The following CACNA2D3 variants were observed in gnomAD, a reference collection of about 807,000 sequenced individuals.
CACNA2D3 encodes voltage-dependent calcium channel subunit alpha-2/delta-3.
Under a neutral mutation model 160.6 loss-of-function variants are expected in CACNA2D3, and 60 were observed. That is an observed-to-expected ratio of 0.37 (90% CI 0.30 to 0.46). The LOEUF (loss-of-function observed/expected upper bound fraction) is 0.46, where lower values mean the gene tolerates loss of function less well. CACNA2D3 is among the 20% of genes least tolerant of loss of function. CACNA2D3 has a pLI of 1.00. For synonymous variants in CACNA2D3, 558 were observed against 492.9 expected, an observed-to-expected ratio of 1.13 and a Z score of -1.75; for missense variants, 1,205 against 1,365.0, an observed-to-expected ratio of 0.88 and a Z score of 1.85.
At chr3:54,631,203 A>AACACAC (rs67944483) in intron 10 of CACNA2D3, among the ~76,000 whole-genome samples, 3,418 of 145,810 alleles carry the variant, frequency 0.023, 69 homozygotes, top group Middle Eastern at 0.049. Context: ...GACTCCATCA[A>AACACAC]ACACACACAC....
At chr3:54,666,115 G>A (rs1700064849) in intron 11 of CACNA2D3, among the ~76,000 whole-genome samples, 1 of 152,156 alleles carries the variant, frequency 6.6e-6, no homozygotes, top group Non-Finnish European at 1.5e-5. Context: ...GTATTTGATT[G>A]CTAGAGAACA....
At chr3:55,054,532 C>T (rs950318162) in intron 35 of CACNA2D3, among the ~76,000 whole-genome samples, 1 of 150,758 alleles carries the variant, frequency 6.6e-6, no homozygotes, top group African/African-American at 2.4e-5. Flanking sequence ...TGCTGGAATT[C>T]CCCGTTTCAT....
intron 11 of CACNA2D3, among the ~76,000 whole-genome samples, chr3:54,660,078 A>C (rs1480320420): frequency 6.6e-6 from 1 of 152,054 alleles, no homozygotes; most frequent in Admixed American, 6.5e-5. Flanking sequence ...TGAGCCTTGC[A>C]TCTCCTAGTA....
At chr3:54,627,146 G>A (rs1175982578) in intron 9 of CACNA2D3, among the ~76,000 whole-genome samples, 1 of 152,220 alleles carries the variant, frequency 6.6e-6, no homozygotes, top group African/African-American at 2.4e-5. Flanking sequence ...TATTACGCAT[G>A]TGGTAGACAT....
chr3:54,785,346 TAGG>T (rs1394922055), intron 13 of CACNA2D3, among the ~76,000 whole-genome samples: 1 of 152,160 alleles, frequency 6.6e-6, no homozygotes, highest in African/African-American at 2.4e-5. Context: ...TGGCCTTCAT[TAGG>T]AGATCTCAAA....
intron 4 of CACNA2D3, among the ~76,000 whole-genome samples, chr3:54,415,197 C>T (rs1699735531): frequency 6.6e-6 from 1 of 152,108 alleles, no homozygotes; most frequent in African/African-American, 2.4e-5. Flanking sequence ...TGGCAGACCC[C>T]AGAAATTACC....
At chr3:55,070,335 G>C (rs1310943904) in intron 35 of CACNA2D3, among the ~76,000 whole-genome samples, 1 of 152,166 alleles carries the variant, frequency 6.6e-6, no homozygotes, top group Admixed American at 6.5e-5. Context: ...GTTGGAGGGA[G>C]AGAGAGAAGG....
chr3:54,222,419 CAGA>C (rs559428486), intron 2 of CACNA2D3, among the ~76,000 whole-genome samples: 1 of 152,262 alleles, frequency 6.6e-6, no homozygotes, highest in South Asian at 2.1e-4. Flanking sequence ...GGCAGTGAGG[CAGA>C]AGGAGTTTTC....
At chr3:54,780,625 C>T (rs1027617183) in intron 13 of CACNA2D3, among the ~76,000 whole-genome samples, 3 of 152,180 alleles carry the variant, frequency 2.0e-5, no homozygotes, top group Non-Finnish European at 4.4e-5. Flanking sequence ...AGTTCTTCAT[C>T]AGATTGTAAA....
chr3:54,134,738 C>T (rs899482394), intron 2 of CACNA2D3, among the ~76,000 whole-genome samples: 1 of 152,244 alleles, frequency 6.6e-6, no homozygotes, highest in Admixed American at 6.5e-5. Flanking sequence ...AGCCGGTCCT[C>T]AGTTCTCCTA....
At chr3:54,836,023 C>G (rs1698671241) in intron 14 of CACNA2D3, among the ~76,000 whole-genome samples, 1 of 152,100 alleles carries the variant, frequency 6.6e-6, no homozygotes, top group African/African-American at 2.4e-5. Flanking sequence ...GATTTAGAAC[C>G]AGATTTGTCT....
chr3:54,850,253 C>T (rs1699027227), intron 17 of CACNA2D3, among the ~76,000 whole-genome samples: 1 of 152,164 alleles, frequency 6.6e-6, no homozygotes, highest in South Asian at 2.1e-4. Flanking sequence ...ATGAAGTAAT[C>T]TTCAAAGGGG....
chr3:54,299,871 C>G (rs76585973), intron 2 of CACNA2D3, among the ~76,000 whole-genome samples: 1 of 152,122 alleles, frequency 6.6e-6, no homozygotes, highest in Admixed American at 6.5e-5. Context: ...AACCTGTAAG[C>G]GTTTTGTTGC....
intron 3 of CACNA2D3, among the ~76,000 whole-genome samples, chr3:54,341,620 T>C (rs922610302): frequency 2.0e-5 from 3 of 152,200 alleles, no homozygotes; most frequent in African/African-American, 4.8e-5. Context: ...CGTCCCCTTC[T>C]TTCAGAGCTC....
intron 3 of CACNA2D3, among the ~76,000 whole-genome samples, chr3:54,370,134 C>A (rs896985623): frequency 1.3e-5 from 2 of 152,118 alleles, no homozygotes; most frequent in African/African-American, 4.8e-5. Context: ...AATGTTGTTG[C>A]AAATCTATGA....
At position 55,040,092 on chromosome 3, in the gene CACNA2D3, T is replaced by C. The variant is rs145723746; in HGVS notation, c.2987+21775T>C. ...AGGTTCTGGTAACGGCTCTCTTCTT[T>C]AGTTAGTGAATGGCCTTCTTGCTGT... On this transcript the variant is annotated intron_variant, in intron 35 of 37. Transcript: ENST00000474759. 4.9e-3 allele frequency among the ~76,000 whole-genome samples: 751 copies of C among 152,278 alleles called. 10 individuals carry two copies. The highest frequency in any genetic ancestry group is 0.017 in the African/African-American group (709 of 41,546).
chr3:54,809,066 C>T (rs990250920), intron 13 of CACNA2D3, among the ~76,000 whole-genome samples: 4 of 152,082 alleles, frequency 2.6e-5, no homozygotes, highest in Admixed American at 2.0e-4. Flanking sequence ...GATGAGACCT[C>T]TAGAGTTCAG....
intron 35 of CACNA2D3, among the ~76,000 whole-genome samples, chr3:55,068,005 C>T (rs1031772557): frequency 7.2e-5 from 11 of 152,068 alleles, no homozygotes; most frequent in African/African-American, 2.4e-4. Flanking sequence ...CTATTCTCCT[C>T]TTCTCTCTCC....
chr3:54,131,598 T>C (rs1288649520), intron 2 of CACNA2D3, among the ~76,000 whole-genome samples: 1 of 152,252 alleles, frequency 6.6e-6, no homozygotes, highest in Non-Finnish European at 1.5e-5. Flanking sequence ...CTCTCACTTA[T>C]ACTGTCCCAC....
Sources: gnomAD v4.1 joint callset for allele counts (sites outside exome capture counted in the v4.1 genomes callset) on GRCh38, gnomAD v4.1.1 for gene constraint, MANE v1.5 for transcripts, NCBI Gene and HGNC (gene_info 2026-07-23, HGNC 2026-07-21) for gene names.